The following VEGFC variants were observed in gnomAD, a reference collection of about 807,000 sequenced individuals.
VEGFC encodes the protein FLT4 ligand DHM.
Under a neutral mutation model 46.1 loss-of-function variants are expected in VEGFC, and 12 were observed. The ratio of observed to expected loss-of-function variants is 0.26; its 90% CI spans 0.17 to 0.42. VEGFC has a LOEUF of 0.42. Ranked by LOEUF, VEGFC falls within the 10% of genes least tolerant of loss-of-function variation. The probability of loss-of-function intolerance (pLI) is 1.00; values close to 1 mark genes in which losing one functional copy is unlikely to be tolerated. For synonymous variants in VEGFC, 232 were observed against 195.5 expected (o/e 1.19, Z -1.56); for missense variants, 488 against 529.4 (o/e 0.92, Z 0.77).
chr4:176,728,248 C>G (rs1579109369), intron 2 of VEGFC, among the ~76,000 whole-genome samples: 1 of 152,028 alleles, frequency 6.6e-6, no homozygotes, highest in African/African-American at 2.4e-5. Flanking sequence ...TCCCACAACA[C>G]TAATGTTTGG....
intron 1 of VEGFC, among the ~76,000 whole-genome samples, chr4:176,743,161 T>C (rs1735204603): frequency 6.6e-6 from 1 of 152,058 alleles, no homozygotes; most frequent in African/African-American, 2.4e-5. Context: ...TATTGAGCAG[T>C]GCTGGCAATT....
At chr4:176,757,012 G>T (rs1735444334) in intron 1 of VEGFC, among the ~76,000 whole-genome samples, 2 of 152,036 alleles carry the variant, frequency 1.3e-5, no homozygotes, top group Admixed American at 1.3e-4. Flanking sequence ...AAAGCACTCT[G>T]CTCAATTCTG....
intron 1 of VEGFC, among the ~76,000 whole-genome samples, chr4:176,763,304 T>A (rs1226179171): frequency 6.6e-6 from 1 of 152,126 alleles, no homozygotes; most frequent in African/African-American, 2.4e-5. Context: ...AAATGCATAT[T>A]TGGGAGATAT....
intron 1 of VEGFC, among the ~76,000 whole-genome samples, chr4:176,753,172 A>C (rs1342565584): frequency 6.6e-6 from 1 of 152,076 alleles, no homozygotes; most frequent in Non-Finnish European, 1.5e-5. Context: ...CTAAAAATCA[A>C]ACAGCAAATT....
At chr4:176,743,977 T>C (rs1163272640) in intron 1 of VEGFC, among the ~76,000 whole-genome samples, 4 of 151,968 alleles carry the variant, frequency 2.6e-5, no homozygotes, top group Non-Finnish European at 5.9e-5. Flanking sequence ...AAGGGAACAA[T>C]AGCCACAATT....
chr4:176,762,993 T>C (rs1403245202), intron 1 of VEGFC, among the ~76,000 whole-genome samples: 2 of 152,232 alleles, frequency 1.3e-5, no homozygotes, highest in African/African-American at 4.8e-5. Flanking sequence ...GCAAGGAAAT[T>C]TGCCTGTCTC....
At chr4:176,706,881 T>C (rs755008118) in intron 4 of VEGFC, among the ~76,000 whole-genome samples, 2 of 152,162 alleles carry the variant, frequency 1.3e-5, no homozygotes, top group Non-Finnish European at 2.9e-5. Flanking sequence ...CTCTTGCCCA[T>C]TGTCAGTCAA....
At chr4:176,740,997 T>C (rs1735162352) in intron 1 of VEGFC, among the ~76,000 whole-genome samples, 1 of 151,990 alleles carries the variant, frequency 6.6e-6, no homozygotes, top group Non-Finnish European at 1.5e-5. Context: ...AAGAGGAATA[T>C]AAAGTATCTT....
At chr4:176,693,186 A>G (rs372302807) in intron 4 of VEGFC, among the ~76,000 whole-genome samples, 8 of 151,536 alleles carry the variant, frequency 5.3e-5, no homozygotes, top group Admixed American at 2.6e-4. Flanking sequence ...TCTGAGCTAC[A>G]GGAGGACATT....
rs566259496 is a variant in VEGFC, at chr4:176,782,643, C to A, written c.147+9522G>T. On this transcript the variant is annotated intron_variant, in intron 1 of 6. Transcript: ENST00000618562. ...TTTTATTATATGCTTACATACAATTCTAATTCTGAAATACAAATATTAATA... is the reference window on the plus strand; with the variant it reads ...TTTTATTATATGCTTACATACAATTATAATTCTGAAATACAAATATTAATA... Among the ~76,000 whole-genome samples the A allele has an allele frequency of 1.4e-4, 22 of 152,046 alleles. No homozygotes were observed. The South Asian group carries it at 4.4e-3, about 30-fold the overall frequency.
At chr4:176,764,229 G>A (rs1028814852) in intron 1 of VEGFC, among the ~76,000 whole-genome samples, 1 of 152,084 alleles carries the variant, frequency 6.6e-6, no homozygotes, top group African/African-American at 2.4e-5. Context: ...TTTTCCCTTG[G>A]GTAATATAAT....
At chr4:176,722,652 C>A (rs1734808452) in intron 3 of VEGFC, among the ~76,000 whole-genome samples, 1 of 151,986 alleles carries the variant, frequency 6.6e-6, no homozygotes, top group Non-Finnish European at 1.5e-5. Flanking sequence ...GTGCACAACA[C>A]CATGCCTGGC....
chr4:176,727,025 C>T (rs1420092420), intron 3 of VEGFC, among the ~76,000 whole-genome samples: 1 of 152,190 alleles, frequency 6.6e-6, no homozygotes, highest in Admixed American at 6.5e-5. Flanking sequence ...CCAAACATTT[C>T]TGTTCAGAGG....
At chr4:176,747,099 A>G (rs576498001) in intron 1 of VEGFC, among the ~76,000 whole-genome samples, 61 of 152,228 alleles carry the variant, frequency 4.0e-4, no homozygotes, top group South Asian at 1.2e-3. Context: ...CTTTGACATC[A>G]TGGAAATATA....
chr4:176,743,460 G>A lies in VEGFC; in HGVS notation c.148-13714C>T, dbSNP rs147570182. Among the ~76,000 whole-genome samples the A allele has an allele frequency of 2.1e-3, 314 of 151,636 alleles. 1 individual carries two copies. Among genetic ancestry groups the A allele is most frequent in the African/African-American group, 7.1e-3 (296 of 41,404 alleles). ...CTTGTCATGACAACTGACTAGAGAC[G>A]GGATGTACCATGCACAATTATGTAG... On this transcript the variant is annotated intron_variant, in intron 1 of 6. Coordinates refer to ENST00000618562, the MANE Select transcript of VEGFC (RefSeq NM_005429.5).
intron 3 of VEGFC, among the ~76,000 whole-genome samples, chr4:176,724,620 C>A (rs1391774396): frequency 1.3e-5 from 2 of 152,168 alleles, no homozygotes; most frequent in Non-Finnish European, 2.9e-5. Context: ...GAAGAGCTAG[C>A]ACCTCAGGAA....
chr4:176,790,978 A>G (rs1177762319), intron 1 of VEGFC, among the ~76,000 whole-genome samples: 1 of 152,184 alleles, frequency 6.6e-6, no homozygotes, highest in Non-Finnish European at 1.5e-5. Context: ...AAATTATTAC[A>G]CATTCCAACA....
chr4:176,770,426 A>AATATATACTCTCTTGAGGTG (rs1469541228), intron 1 of VEGFC, among the ~76,000 whole-genome samples: 39 of 151,998 alleles, frequency 2.6e-4, no homozygotes, highest in African/African-American at 8.7e-4. Context: ...TTGTGGAAAC[A>AATATATACTCTCTTGAGGTG]GTTTAAGACA....
Position 176,738,834 on chromosome 4 carries a change from A to C in VEGFC, c.148-9088T>G, listed in dbSNP as rs1300598428. Among the ~76,000 whole-genome samples, 3 of 152,156 alleles carry C rather than the reference A, an allele frequency of 2.0e-5. No individual in the cohort carries two copies. The East Asian group carries it at 5.8e-4, about 30-fold the overall frequency. On this transcript the variant is annotated intron_variant, in intron 1 of 6. Transcript: ENST00000618562. Reference sequence around the variant, plus strand: ...AAAAGTCTAATATCCAGAGTCTACAAGGAACTTAAATTTACAAGAAAAAAA... The same window carrying C: ...AAAAGTCTAATATCCAGAGTCTACACGGAACTTAAATTTACAAGAAAAAAA...
Sources: allele counts gnomAD v4.1 joint callset (sites outside exome capture counted in the v4.1 genomes callset), GRCh38; gene constraint gnomAD v4.1.1; transcripts MANE v1.5; gene names NCBI Gene and HGNC (gene_info 2026-07-23, HGNC 2026-07-21).